The following SPTBN1 variants were observed in gnomAD, a reference collection of about 807,000 sequenced individuals.
SPTBN1 encodes spectrin beta chain, non-erythrocytic 1.
SPTBN1 carries 32 observed loss-of-function variants against 266.4 expected under a neutral mutation model. That is an observed-to-expected ratio of 0.12 (90% CI 0.09 to 0.16). The LOEUF is 0.16. SPTBN1 is among the 10% of genes least tolerant of loss of function. SPTBN1 has a pLI of 1.00. For missense variants in SPTBN1, 2,296 were observed against 3,067.1 expected, an observed-to-expected ratio of 0.75 and a Z score of 5.94; for synonymous variants, 1,336 against 1,162.2, an observed-to-expected ratio of 1.15 and a Z score of -3.04.
At chr2:54,494,930 A>G (rs1252109461) in intron 1 of SPTBN1, among the ~76,000 whole-genome samples, 5 of 146,816 alleles carry the variant, frequency 3.4e-5, no homozygotes, top group South Asian at 2.2e-4. Context: ...AAAAAAAAAA[A>G]TGTCCTGAAA....
chr2:54,592,494 C>T (rs1179024903), intron 2 of SPTBN1, among the ~76,000 whole-genome samples: 2 of 151,974 alleles, frequency 1.3e-5, no homozygotes, highest in African/African-American at 4.8e-5. Flanking sequence ...AAACGATTCT[C>T]CTGCCTCAGC....
intron 4 of SPTBN1, among the ~76,000 whole-genome samples, chr2:54,613,295 C>T (rs1199717974): frequency 8.8e-6 from 1 of 113,282 alleles, no homozygotes; most frequent in Non-Finnish European, 1.8e-5. Flanking sequence ...TGTTCTGCCC[C>T]TTTAATAAAG....
At chr2:54,610,238 C>T (rs1160050893) in intron 3 of SPTBN1, among the ~76,000 whole-genome samples, 3 of 152,162 alleles carry the variant, frequency 2.0e-5, no homozygotes, top group Non-Finnish European at 4.4e-5. Flanking sequence ...GAGGGCTACC[C>T]AATTAAAAAT....
chr2:54,467,709 A>G (rs1002564390), intron 1 of SPTBN1, among the ~76,000 whole-genome samples: 10 of 152,140 alleles, frequency 6.6e-5, no homozygotes, highest in Admixed American at 5.9e-4. Context: ...AGTGATTACA[A>G]TAGTTTTAAA....
chr2:54,485,497 A>G (rs925234628), intron 1 of SPTBN1, among the ~76,000 whole-genome samples: 7 of 152,170 alleles, frequency 4.6e-5, no homozygotes, highest in South Asian at 2.1e-4. Flanking sequence ...TCAGTGCTCA[A>G]TGGTGCCCAG....
At chr2:54,652,770 A>G (rs543061468) in intron 26 of SPTBN1, 1 of 152,248 alleles carries the variant, frequency 6.6e-6, no homozygotes, top group African/African-American at 2.4e-5. Context: ...ATGACACATT[A>G]CAGTATCTCC....
In SPTBN1 at chr2:54,572,506, G is replaced by A. The variant is rs756563782; in HGVS notation, c.149-26586G>A. On this transcript the variant is annotated intron_variant, in intron 2 of 35. Transcript: ENST00000356805. Reference sequence around the variant, plus strand: ...AGTTAAATCACACTCTGAGCAAATAGAGGCTGGGCTTCAGAAACTTAGATA... The same window carrying A: ...AGTTAAATCACACTCTGAGCAAATAAAGGCTGGGCTTCAGAAACTTAGATA... Among the ~76,000 whole-genome samples the A allele has an allele frequency of 3.7e-4, 56 of 152,292 alleles. 1 individual carries two copies. The highest frequency in any genetic ancestry group is 6.6e-4 in the Non-Finnish European group (45 of 68,026).
chr2:54,477,864 T>A (rs1339468491), intron 1 of SPTBN1, among the ~76,000 whole-genome samples: 4 of 151,598 alleles, frequency 2.6e-5, no homozygotes, highest in Non-Finnish European at 5.9e-5. Context: ...TGAGCCAAGA[T>A]CATGCCGCTG....
chr2:54,482,357 G>GAAA (rs66491029), intron 1 of SPTBN1, among the ~76,000 whole-genome samples: 48 of 143,396 alleles, frequency 3.3e-4, no homozygotes, highest in African/African-American at 1.2e-3. Context: ...TCTACAGCAG[G>GAAA]AAAAAAAAAA....
In SPTBN1 at chr2:54,540,035, C is replaced by T. The variant is rs1176520098; in HGVS notation, c.148+13469C>T. On this transcript the variant is annotated intron_variant, in intron 2 of 35. Coordinates refer to ENST00000356805, the MANE Select transcript of SPTBN1 (RefSeq NM_003128.3). This position sits in a 1 kb window ranked among gnomAD's most constrained non-coding sequence, Gnocchi z 5.6. ...AGTAGACATGGGAAATGATCTTTCT[C>T]CCTACCATGTGAGAATCTGAGAGGA... 6.6e-6 allele frequency among the ~76,000 whole-genome samples: 1 copy of T among 152,110 alleles called. No individual in the cohort carries two copies. Among genetic ancestry groups the T allele is most frequent in the Non-Finnish European group, 1.5e-5 (1 of 68,020 alleles).
At chr2:54,560,272 C>T (rs1487361085) in intron 2 of SPTBN1, among the ~76,000 whole-genome samples, 5 of 152,074 alleles carry the variant, frequency 3.3e-5, no homozygotes, top group Admixed American at 1.3e-4. Flanking sequence ...TCCTCTTCCC[C>T]TGGCCCGGAC....
chr2:54,630,059 T>A (rs1678629876), intron 15 of SPTBN1, 30 bp downstream of exon 15: 1 of 1,606,258 alleles, frequency 6.2e-7, no homozygotes, highest in Admixed American at 1.7e-5. Context: ...TGTGCCAGCC[T>A]CCCACGTGTG....
intron 3 of SPTBN1, among the ~76,000 whole-genome samples, chr2:54,611,626 A>G (rs1346808625): frequency 6.6e-6 from 1 of 152,094 alleles, no homozygotes; most frequent in Non-Finnish European, 1.5e-5. Context: ...CCTTCTTTTC[A>G]GTAAGTTATA....
rs1673040658 is a variant in SPTBN1 at position 54,558,559 on chromosome 2, A to G, written c.148+31993A>G. 1.5e-6 allele frequency: 2 copies of G among 1,320,582 alleles called. No homozygotes were observed. Among genetic ancestry groups the G allele is most frequent in the African/African-American group, 3.1e-5 (2 of 65,490 alleles). 81.8% of individuals were successfully genotyped at this position (1,320,582 alleles called of 1,614,324 possible). ...AGGCAAGGGCCACGGAAGAAGGGAA[A>G]GCAAGAAATTAGATGCCTGTGTGGT... On this transcript the variant is annotated intron_variant, in intron 2 of 35. Transcript: ENST00000356805. The surrounding 1 kb of genome is among the most constrained non-coding windows in gnomAD (Gnocchi z 4.6).
intron 1 of SPTBN1, among the ~76,000 whole-genome samples, chr2:54,469,729 A>G (rs1177073250): frequency 6.6e-6 from 1 of 152,192 alleles, no homozygotes; most frequent in East Asian, 1.9e-4. Context: ...CAGTCCTCTG[A>G]GCAGATGAGA....
intron 2 of SPTBN1, among the ~76,000 whole-genome samples, chr2:54,597,319 C>T (rs555774842): frequency 5.3e-5 from 8 of 152,342 alleles, no homozygotes; most frequent in Non-Finnish European, 1.0e-4. Context: ...AAGTTGCCAT[C>T]CATCACAATG....
At chr2:54,667,699 G>C in intron 35 of SPTBN1, 53 bp downstream of exon 35, 1 of 1,497,866 alleles carries the variant, frequency 6.7e-7, no homozygotes, top group Non-Finnish European at 9.3e-7. Flanking sequence ...GCAAGTGTTT[G>C]TGTGATGATG....
At chr2:54,556,149 C>T (rs1255382394) in intron 2 of SPTBN1, among the ~76,000 whole-genome samples, 1 of 152,216 alleles carries the variant, frequency 6.6e-6, no homozygotes, top group African/African-American at 2.4e-5. Context: ...TCCTTTACCT[C>T]CTCCCCACTT....
At chr2:54,468,316 A>G (rs1431171845) in intron 1 of SPTBN1, among the ~76,000 whole-genome samples, 2 of 134,616 alleles carry the variant, frequency 1.5e-5, no homozygotes, top group Admixed American at 7.7e-5. Context: ...CAAAAAAAAT[A>G]AAATAAAAAA....
Sources: gnomAD v4.1 joint callset for allele counts (sites outside exome capture counted in the v4.1 genomes callset) on GRCh38, gnomAD v4.1.1 for gene constraint, Gnocchi (gnomAD v3.1) non-coding constraint, MANE v1.5 for transcripts, NCBI Gene and HGNC (gene_info 2026-07-23, HGNC 2026-07-21) for gene names.